The following WWOX variants were observed in gnomAD, a reference collection of about 807,000 sequenced individuals.
WWOX encodes WW domain containing oxidoreductase.
In WWOX, 69 loss-of-function variants were observed where a neutral mutation model predicts 46.2. The observed-to-expected ratio is 1.49, with a 90% CI of 1.23 to 1.82. The LOEUF (loss-of-function observed/expected upper bound fraction) is 1.82. Among genes scored for constraint, WWOX ranks in the 40% most tolerant of loss-of-function variants. WWOX has a pLI of 0.00. For synonymous variants in WWOX, 359 were observed against 202.6 expected (o/e 1.77, Z -6.56); for missense variants, 919 against 542.6 (o/e 1.69, Z -6.89).
At chr16:78,545,460 C>T (rs893340383) in intron 8 of WWOX, among the ~76,000 whole-genome samples, 23 of 152,202 alleles carry the variant, frequency 1.5e-4, no homozygotes, top group African/African-American at 5.1e-4. Flanking sequence ...TGAAGAGCTT[C>T]TCCTGTCTTA....
intron 8 of WWOX, among the ~76,000 whole-genome samples, chr16:78,547,147 A>AAAAAC (rs2044057457): frequency 1.4e-5 from 2 of 139,320 alleles, no homozygotes; most frequent in Non-Finnish European, 3.2e-5. Flanking sequence ...AAAAAAAAAA[A>AAAAAC]AAAAAAAAAA....
intron 8 of WWOX, among the ~76,000 whole-genome samples, chr16:78,463,659 A>G (rs2084005916): frequency 6.6e-6 from 1 of 152,146 alleles, no homozygotes; most frequent in African/African-American, 2.4e-5. Context: ...ATCTTTTTTG[A>G]TTCTGTGACT....
intron 5 of WWOX, among the ~76,000 whole-genome samples, chr16:78,315,344 T>C (rs897494730): frequency 6.6e-6 from 1 of 152,144 alleles, no homozygotes; most frequent in Non-Finnish European, 1.5e-5. Context: ...TAGTTTGATA[T>C]GATAAAAATA....
intron 8 of WWOX, among the ~76,000 whole-genome samples, chr16:79,103,066 C>T (rs1484260453): frequency 1.3e-5 from 2 of 152,144 alleles, no homozygotes; most frequent in Admixed American, 6.6e-5. Flanking sequence ...GGCAAGTTCT[C>T]ACCATAACCC....
At chr16:79,126,308 C>G (rs2049752848) in intron 8 of WWOX, among the ~76,000 whole-genome samples, 1 of 152,096 alleles carries the variant, frequency 6.6e-6, no homozygotes. Flanking sequence ...GGGAGCTGAT[C>G]AAGTGATATG....
intron 8 of WWOX, among the ~76,000 whole-genome samples, chr16:78,927,511 A>G (rs1263818529): frequency 1.3e-5 from 2 of 152,198 alleles, no homozygotes; most frequent in Non-Finnish European, 2.9e-5. Context: ...GCCAGACTGC[A>G]GGTAGGCACT....
At chr16:79,097,195 C>G (rs1299308614) in intron 8 of WWOX, among the ~76,000 whole-genome samples, 1 of 152,082 alleles carries the variant, frequency 6.6e-6, no homozygotes, top group Non-Finnish European at 1.5e-5. Context: ...AGTCAGAATT[C>G]TCTTTTATAA....
chr16:78,618,222 C>G (rs564181483), intron 8 of WWOX, among the ~76,000 whole-genome samples: 2 of 152,332 alleles, frequency 1.3e-5, no homozygotes, highest in South Asian at 4.1e-4. Flanking sequence ...CAACCTCTGT[C>G]CATCTGAAAT....
chr16:79,159,915 G>T (rs1263837267), intron 8 of WWOX, among the ~76,000 whole-genome samples: 1 of 152,172 alleles, frequency 6.6e-6, no homozygotes, highest in African/African-American at 2.4e-5. Context: ...TCTTCATTTG[G>T]AGGGGTGATC....
At chr16:78,225,462 A>C (rs372987869) in intron 5 of WWOX, among the ~76,000 whole-genome samples, 1 of 152,122 alleles carries the variant, frequency 6.6e-6, no homozygotes, top group South Asian at 2.1e-4. Flanking sequence ...TTCTATTGCA[A>C]CCAAATCTAT....
chr16:78,380,051 A>T (rs1597132496), intron 5 of WWOX, among the ~76,000 whole-genome samples: 1 of 152,192 alleles, frequency 6.6e-6, no homozygotes, highest in Non-Finnish European at 1.5e-5. Flanking sequence ...GACATGGTGT[A>T]TTGAAGGTGT....
intron 8 of WWOX, among the ~76,000 whole-genome samples, chr16:78,893,374 C>T (rs1293432886): frequency 2.0e-5 from 3 of 152,142 alleles, no homozygotes; most frequent in Non-Finnish European, 2.9e-5. Flanking sequence ...GCTGTCATAC[C>T]AGGCTCCCCC....
At chr16:78,808,123 C>G (rs1413258453) in intron 8 of WWOX, among the ~76,000 whole-genome samples, 1 of 152,186 alleles carries the variant, frequency 6.6e-6, no homozygotes, top group Non-Finnish European at 1.5e-5. Context: ...ACCAGGACTC[C>G]CTGTAGTCAA....
At chr16:78,125,433 C>T (rs1157137970) in intron 4 of WWOX, among the ~76,000 whole-genome samples, 1 of 152,128 alleles carries the variant, frequency 6.6e-6, no homozygotes, top group African/African-American at 2.4e-5. Context: ...TTTGTTAATC[C>T]TGAGTTTGGA....
chr16:78,630,922 G>T (rs892923996), intron 8 of WWOX, among the ~76,000 whole-genome samples: 2 of 152,144 alleles, frequency 1.3e-5, no homozygotes, highest in Non-Finnish European at 1.5e-5. Context: ...ACTAATGACA[G>T]ATTAAAAGCA....
At chr16:78,949,201 GC>G (rs1168367688) in intron 8 of WWOX, among the ~76,000 whole-genome samples, 1 of 152,168 alleles carries the variant, frequency 6.6e-6, no homozygotes, top group Non-Finnish European at 1.5e-5. Flanking sequence ...GCCCAGGCTG[GC>G]TGACACCTTG....
chr16:79,142,844 A>T (rs574762598), intron 8 of WWOX, among the ~76,000 whole-genome samples: 22 of 152,128 alleles, frequency 1.4e-4, no homozygotes, highest in African/African-American at 5.3e-4. Flanking sequence ...GACTACAGGG[A>T]CACACCATCA....
At chr16:78,319,930 C>G (rs2080431890) in intron 5 of WWOX, among the ~76,000 whole-genome samples, 1 of 152,182 alleles carries the variant, frequency 6.6e-6, no homozygotes. Context: ...CTTTTAAGTT[C>G]TCTGACAACC....
intron 8 of WWOX, among the ~76,000 whole-genome samples, chr16:78,699,226 C>G (rs949052222): frequency 4.6e-5 from 7 of 152,190 alleles, no homozygotes; most frequent in South Asian, 2.1e-4. Context: ...GAAGGCCTAA[C>G]TCAGTTAAAC....
Sources: gnomAD v4.1 joint callset for allele counts (sites outside exome capture counted in the v4.1 genomes callset) on GRCh38, gnomAD v4.1.1 for gene constraint, MANE v1.5 for transcripts, NCBI Gene and HGNC (gene_info 2026-07-23, HGNC 2026-07-21) for gene names.